POLB: variants seen among roughly 807,000 people sequenced by gnomAD.
The protein encoded by POLB is 5'-dRP lyase.
POLB carries 37 observed loss-of-function variants against 52.7 expected under a neutral mutation model. The observed-to-expected ratio is 0.70, with a 90% CI of 0.54 to 0.92. The LOEUF is 0.92. POLB is among the 40% of genes least tolerant of loss of function. The probability of loss-of-function intolerance (pLI) is 0.00; values close to 1 mark genes in which losing one functional copy is unlikely to be tolerated. For missense variants in POLB, 313 were observed against 400.8 expected (o/e 0.78, Z 1.87); for synonymous variants, 138 against 131.3 (o/e 1.05, Z -0.35).
intron 7 of POLB, 52 bp downstream of exon 7, chr8:42,355,619 A>G (rs1823263548): frequency 8.9e-7 from 1 of 1,124,022 alleles, no homozygotes; most frequent in Middle Eastern, 2.5e-4. Context: ...TAAATTTTTT[A>G]TAGACATTCT....
At chr8:42,341,948 A>G (rs865784003) in intron 2 of POLB, 1 of 697,328 alleles carries the variant, frequency 1.4e-6, no homozygotes, top group Admixed American at 2.0e-5. Flanking sequence ...CTCCTTCATC[A>G]TGTCTGAAGT....
intron 2 of POLB, chr8:42,342,347 C>T (rs1822255977): frequency 6.6e-7 from 1 of 1,508,462 alleles, no homozygotes; most frequent in South Asian, 1.1e-5. Context: ...CAATATGTTG[C>T]AGCATAATTT....
intron 9 of POLB, 79 bp from the exon 10 acceptor site, chr8:42,361,216 G>C (rs2130836214): frequency 1.1e-6 from 1 of 924,362 alleles, no homozygotes; most frequent in Non-Finnish European, 1.8e-6. Flanking sequence ...AGGCTCTTCT[G>C]TGTGTCATCA....
At chr8:42,354,024 G>T (rs1823146421) in intron 6 of POLB, among the ~76,000 whole-genome samples, 1 of 152,112 alleles carries the variant, frequency 6.6e-6, no homozygotes, top group Non-Finnish European at 1.5e-5. Context: ...GATGCCTGTG[G>T]TATAGACAGC....
intron 11 of POLB, chr8:42,368,828 G>C (rs1268702077): frequency 1.3e-5 from 2 of 152,234 alleles, no homozygotes; most frequent in East Asian, 3.9e-4. Context: ...GTTTTCTATA[G>C]TATTCTGTTC....
chr8:42,370,259 G>GTTTTTTTTTTTTTTTTTTTTTT (rs34271342), intron 13 of POLB: 5 of 259,970 alleles, frequency 1.9e-5, no homozygotes, highest in Non-Finnish European at 3.0e-5. Context: ...ATCTAAAAGG[G>GTTTTTTTTTTTTTTTTTTTTTT]TTTTTTTTTT....
At chr8:42,347,358 C>T (rs1454810710) in intron 3 of POLB, among the ~76,000 whole-genome samples, 2 of 124,510 alleles carry the variant, frequency 1.6e-5, no homozygotes, top group African/African-American at 3.0e-5. Context: ...TCTAGAATTA[C>T]TCCTCAGTAA....
At chr8:42,358,326 C>G (rs944311770) in intron 9 of POLB, among the ~76,000 whole-genome samples, 1 of 151,876 alleles carries the variant, frequency 6.6e-6, no homozygotes, top group Admixed American at 6.6e-5. Context: ...CACGGTGAAA[C>G]CCCATCTCTA....
intron 2 of POLB, 39 bp from the exon 3 acceptor site, chr8:42,344,913 TG>T: frequency 7.9e-7 from 1 of 1,265,172 alleles, no homozygotes; most frequent in Non-Finnish European, 1.2e-6. Context: ...AAGGCCTTGA[TG>T]GATTTCTAAT....
In POLB at chr8:42,362,670, C is replaced by T; in HGVS notation, c.680C>T (p.Thr227Ile). The T allele has an allele frequency of 6.2e-7, 1 of 1,607,972 alleles. No individual in the cohort carries two copies. Among genetic ancestry groups the T allele is most frequent in the Non-Finnish European group, 8.5e-7 (1 of 1,174,864 alleles). ...CAAAAGGTTCATTTTATCACAGATA[C>T]CCTGTCAAAGGGTGAGACAAAGTTC... ...QLQKVHFITD[T>I]LSKGETKFMG... Residue 227 changes from threonine to isoleucine, a missense_variant, in exon 11 of 14, where the codon ACC becomes ATC. Thr to Ile is a moderately conservative substitution (Grantham distance 89). This residue lies in a region of POLB where 246 missense variants were observed against 297.6 expected (regional missense o/e 0.83). Coordinates refer to ENST00000265421, the MANE Select transcript of POLB (RefSeq NM_002690.3).
At chr8:42,344,928 T>C (rs913777714) in intron 2 of POLB, 25 bp from the exon 3 acceptor site, 13 of 1,470,176 alleles carry the variant, frequency 8.8e-6, no homozygotes, top group African/African-American at 2.8e-5. Context: ...TTCTAATTGG[T>C]TTTCCTTTTC....
rs1821981819 is a variant in POLB, at chr8:42,338,524, T to A, written c.-101T>A. 9.7e-7 allele frequency: 1 copy of A among 1,029,422 alleles called. No homozygotes were observed. Among genetic ancestry groups the A allele is most frequent in the South Asian group, 1.3e-5 (1 of 78,542 alleles). 63.8% of individuals were successfully genotyped at this position (1,029,422 alleles called of 1,614,324 possible). A position where few individuals can be genotyped will look rare whatever the true frequency, so the allele number is the denominator to read the frequency against. ...TCCGCCGGTCGCGCCGGAGCTGGGT[T>A]GCTCCTGCTCCCGTCTCCAAGTCCT... On this transcript the variant is annotated 5_prime_UTR_variant, in exon 1 of 14. Coordinates refer to ENST00000265421, the MANE Select transcript of POLB (RefSeq NM_002690.3).
chr8:42,355,103 A>G (rs542082027), intron 6 of POLB, among the ~76,000 whole-genome samples: 4 of 151,838 alleles, frequency 2.6e-5, no homozygotes, highest in African/African-American at 7.2e-5. Flanking sequence ...CAGTGGCGCA[A>G]TCTCGGCTCA....
intron 1 of POLB, 52 bp downstream of exon 1, chr8:42,338,737 C>T (rs766759933): frequency 1.3e-6 from 2 of 1,528,538 alleles, no homozygotes; most frequent in South Asian, 2.2e-5. Context: ...CCAGCCTCTT[C>T]CCCTGCCTTC....
chr8:42,345,673 T>C (rs1822567243), intron 3 of POLB, among the ~76,000 whole-genome samples: 1 of 152,174 alleles, frequency 6.6e-6, no homozygotes, highest in Non-Finnish European at 1.5e-5. Flanking sequence ...TCCAAAATGC[T>C]CCAATGAGCA....
chr8:42,362,506 G>A (rs1455868263), intron 10 of POLB, 106 bp from the exon 11 acceptor site: 2 of 717,242 alleles, frequency 2.8e-6, no homozygotes, highest in East Asian at 2.7e-5. Flanking sequence ...ACAGTCTCCA[G>A]CCTGTGCAAT....
At chr8:42,344,529 G>A (rs556733297) in intron 2 of POLB, among the ~76,000 whole-genome samples, 2 of 151,540 alleles carry the variant, frequency 1.3e-5, no homozygotes, top group Non-Finnish European at 2.9e-5. Flanking sequence ...TGATTTTTAA[G>A]TTCCATATGG....
intron 1 of POLB, 41 bp downstream of exon 1, chr8:42,338,726 T>C (rs1381083909): frequency 6.4e-7 from 1 of 1,566,678 alleles, no homozygotes; most frequent in Non-Finnish European, 8.8e-7. Context: ...CTTCTTTCCT[T>C]CCAGCCTCTT....
At chr8:42,371,374 C>T (rs1201501390) in intron 13 of POLB, among the ~76,000 whole-genome samples, 189 bp from the exon 14 acceptor site, 2 of 152,086 alleles carry the variant, frequency 1.3e-5, no homozygotes, top group Non-Finnish European at 2.9e-5. Context: ...CTACCTGCCT[C>T]GGCCTCCCAA....
Sources: allele counts gnomAD v4.1 joint callset (sites outside exome capture counted in the v4.1 genomes callset), GRCh38; gene constraint gnomAD v4.1.1; regional missense constraint gnomAD v4.1.1; transcripts MANE v1.5; gene names NCBI Gene and HGNC (gene_info 2026-07-23, HGNC 2026-07-21).